IQSEC1: variants seen among roughly 807,000 people sequenced by gnomAD.
IQSEC1 encodes IQ motif and SEC7 domain-containing protein 1.
A neutral mutation model predicts 91.0 loss-of-function variants in IQSEC1; 31 were observed. The ratio of observed to expected loss-of-function variants is 0.34; its 90% CI spans 0.26 to 0.46. The LOEUF is 0.46. IQSEC1 is among the 20% of genes least tolerant of loss of function. The pLI is 1.00. For synonymous variants in IQSEC1, 699 were observed against 662.6 expected, an observed-to-expected ratio of 1.05 and a Z score of -0.84; for missense variants, 1,388 against 1,575.6, an observed-to-expected ratio of 0.88 and a Z score of 2.02.
chr3:13,145,963 CG>C (rs1258790349), intron 2 of IQSEC1, among the ~76,000 whole-genome samples: 1 of 152,102 alleles, frequency 6.6e-6, no homozygotes, highest in Non-Finnish European at 1.5e-5. Flanking sequence ...GAATCTCAGG[CG>C]GGTGCAGACC....
At chr3:13,182,020 ATT>A (rs1693852362) in intron 1 of IQSEC1, among the ~76,000 whole-genome samples, 1 of 152,146 alleles carries the variant, frequency 6.6e-6, no homozygotes. Flanking sequence ...TAGTGAATGT[ATT>A]TCTCTCTAAG....
chr3:13,082,303 GCA>G (rs1705658236), intron 2 of IQSEC1, among the ~76,000 whole-genome samples: 1 of 152,176 alleles, frequency 6.6e-6, no homozygotes, highest in African/African-American at 2.4e-5. Flanking sequence ...ACACCGCTGG[GCA>G]CACACAGTCT....
At chr3:13,246,254 T>A (rs1428197935) in intron 1 of IQSEC1, among the ~76,000 whole-genome samples, 5 of 152,086 alleles carry the variant, frequency 3.3e-5, no homozygotes, top group African/African-American at 2.4e-5. Flanking sequence ...AACAAGCCGA[T>A]CACCAAAGGC....
intron 2 of IQSEC1, among the ~76,000 whole-genome samples, chr3:13,121,643 C>A (rs1706424910): frequency 6.6e-6 from 1 of 152,336 alleles, no homozygotes; most frequent in Admixed American, 6.5e-5. Context: ...CCTCGGGCAG[C>A]CAGGACCAAG....
At chr3:12,968,544 TAA>T (rs757658635) in intron 1 of IQSEC1, among the ~76,000 whole-genome samples, 171 of 152,320 alleles carry the variant, frequency 1.1e-3, no homozygotes, top group Non-Finnish European at 2.0e-3. Flanking sequence ...CTGGGCCAAC[TAA>T]GAGACGGCTT....
intron 1 of IQSEC1, among the ~76,000 whole-genome samples, chr3:12,957,459 G>A (rs546085151): frequency 4.6e-4 from 70 of 152,238 alleles, no homozygotes; most frequent in Non-Finnish European, 7.2e-4. Context: ...TCCCGGCTGA[G>A]CCAAATTAAA....
At chr3:13,206,168 C>CCCATCCACCCCTCCATCCAA (rs1694341041) in intron 1 of IQSEC1, among the ~76,000 whole-genome samples, 2 of 150,226 alleles carry the variant, frequency 1.3e-5, no homozygotes, top group Admixed American at 6.6e-5. Flanking sequence ...CCTCCATCCA[C>CCCATCCACCCCTCCATCCAA]CCATCCACCC....
At chr3:12,937,845 C>T (rs1458699082) in intron 2 of IQSEC1, among the ~76,000 whole-genome samples, 1 of 152,208 alleles carries the variant, frequency 6.6e-6, no homozygotes, top group Non-Finnish European at 1.5e-5. Flanking sequence ...CTCAAGAGGC[C>T]TTCAGGCTCT....
At chr3:13,158,700 C>T (rs953404154) in intron 2 of IQSEC1, among the ~76,000 whole-genome samples, 2 of 152,118 alleles carry the variant, frequency 1.3e-5, no homozygotes, top group Non-Finnish European at 2.9e-5. Flanking sequence ...CAGGGCTGGG[C>T]GTGGTAATCC....
chr3:12,900,459 A>G lies in IQSEC1; in HGVS notation c.*524T>C, dbSNP rs1257482698. ...CAAGTACTACCTATACAGTATATAT[A>G]TATATATATTTATATATTTATATAT... is the stretch of plus-strand genomic sequence containing the variant. On this transcript the variant is annotated 3_prime_UTR_variant, in exon 14 of 14. Coordinates refer to ENST00000613206, the MANE Select transcript of IQSEC1 (RefSeq NM_001134382.3). 21 of 725,630 alleles carry G rather than the reference A, an allele frequency of 2.9e-5. No individual in the cohort carries two copies. Among genetic ancestry groups the G allele is most frequent in the South Asian group, 6.2e-5 (1 of 16,024 alleles). 44.9% of individuals were successfully genotyped at this position (725,630 alleles called of 1,614,324 possible).
chr3:13,231,708 T>A (rs1694842010), intron 1 of IQSEC1, among the ~76,000 whole-genome samples: 1 of 152,218 alleles, frequency 6.6e-6, no homozygotes, highest in Non-Finnish European at 1.5e-5. Context: ...AATGTGAATG[T>A]TTCTTCTAAA....
intron 1 of IQSEC1, among the ~76,000 whole-genome samples, chr3:13,192,612 A>C (rs1177587648): frequency 6.6e-6 from 1 of 152,186 alleles, no homozygotes; most frequent in Non-Finnish European, 1.5e-5. Context: ...AGGCCAGGTG[A>C]GTATTCTCCC....
intron 2 of IQSEC1, among the ~76,000 whole-genome samples, chr3:13,143,268 C>T (rs358376): frequency 0.76 from 116,341 of 152,152 alleles, 45,074 homozygotes; most frequent in East Asian, 0.9. Context: ...GAGCAGGCCT[C>T]GAAGCTGGGG....
At position 12,992,325 on chromosome 3, in the gene IQSEC1, T is replaced by C. The variant is rs1334806400; in HGVS notation, c.24-50460A>G. ...TGGCCACCCCAAGTCACCTCTCAGT[T>C]TATCTTTTCCTGTGGGGGGTGGGGG... On this transcript the variant is annotated intron_variant, in intron 1 of 13. Coordinates refer to ENST00000613206, the MANE Select transcript of IQSEC1 (RefSeq NM_001134382.3). The surrounding 1 kb of genome is among the most constrained non-coding windows in gnomAD (Gnocchi z 4.1). Among the ~76,000 whole-genome samples the C allele has an allele frequency of 8.1e-6, 1 of 123,234 alleles. No homozygotes were observed. Among genetic ancestry groups the C allele is most frequent in the African/African-American group, 3.1e-5 (1 of 32,718 alleles). 80.8% of individuals were successfully genotyped at this position (123,234 alleles called of 152,430 possible).
chr3:13,126,406 C>T (rs1706513996), intron 2 of IQSEC1, among the ~76,000 whole-genome samples: 1 of 152,250 alleles, frequency 6.6e-6, no homozygotes, highest in Admixed American at 6.5e-5. Context: ...TCCTACCCCT[C>T]GCTTATCCTT....
intron 1 of IQSEC1, among the ~76,000 whole-genome samples, chr3:13,052,256 A>T (rs1031431944): frequency 6.6e-6 from 1 of 151,962 alleles, no homozygotes; most frequent in African/African-American, 2.4e-5. Context: ...CTCCATCCCC[A>T]TCATATTTTC....
chr3:12,978,469 C>T (rs1304201133), intron 1 of IQSEC1, among the ~76,000 whole-genome samples: 2 of 152,050 alleles, frequency 1.3e-5, no homozygotes, highest in African/African-American at 4.8e-5. Flanking sequence ...GAGACTGAGG[C>T]GGGCGGATCA....
chr3:13,180,251 A>T (rs1417233825), intron 1 of IQSEC1, among the ~76,000 whole-genome samples: 2 of 152,200 alleles, frequency 1.3e-5, no homozygotes, highest in African/African-American at 4.8e-5. Flanking sequence ...GGCACTCTGT[A>T]TCTAGCTCAA....
chr3:13,250,394 C>T (rs2125115182), intron 1 of IQSEC1, among the ~76,000 whole-genome samples: 1 of 151,032 alleles, frequency 6.6e-6, no homozygotes, highest in East Asian at 2.0e-4. Context: ...GGACAACTGT[C>T]AGCGAGTGCT....
Sources: gnomAD v4.1 joint callset for allele counts (sites outside exome capture counted in the v4.1 genomes callset) on GRCh38, gnomAD v4.1.1 for gene constraint, Gnocchi (gnomAD v3.1) non-coding constraint, MANE v1.5 for transcripts, NCBI Gene and HGNC (gene_info 2026-07-23, HGNC 2026-07-21) for gene names.